Variants in PARD3 observed in about 807,000 individuals in gnomAD.
The protein encoded by PARD3 is partitioning defective 3 homolog.
A neutral mutation model predicts 155.4 loss-of-function variants in PARD3; 75 were observed. That is an observed-to-expected ratio of 0.48 (90% CI 0.40 to 0.58). The LOEUF is 0.58. Among genes scored for constraint, PARD3 ranks in the 20% least tolerant of loss-of-function variants. The probability of loss-of-function intolerance (pLI) is 0.00; values close to 1 mark genes in which losing one functional copy is unlikely to be tolerated. For missense variants in PARD3, 1,642 were observed against 1,721.7 expected (o/e 0.95, Z 0.82); for synonymous variants, 576 against 610.5 (o/e 0.94, Z 0.83).
At chr10:34,454,918 C>A (rs1400533339) in intron 4 of PARD3, among the ~76,000 whole-genome samples, 4 of 152,130 alleles carry the variant, frequency 2.6e-5, no homozygotes, top group Non-Finnish European at 5.9e-5. Flanking sequence ...AAGTAAGTGT[C>A]TTCTCCCACC....
chr10:34,373,190 G>C (rs1170860617), intron 11 of PARD3, among the ~76,000 whole-genome samples: 2 of 151,862 alleles, frequency 1.3e-5, no homozygotes, highest in Non-Finnish European at 1.5e-5. Context: ...TAAATTTTCA[G>C]GATTTTATTC....
intron 1 of PARD3, among the ~76,000 whole-genome samples, chr10:34,749,640 G>C (rs2133939237): frequency 6.6e-6 from 1 of 152,252 alleles, no homozygotes; most frequent in African/African-American, 2.4e-5. Flanking sequence ...GAAGATAAGT[G>C]AAAGAGCATT....
rs144541943 is a variant in PARD3, at chr10:34,649,114, C to T, written c.222+47204G>A. Among the ~76,000 whole-genome samples the T allele has an allele frequency of 1.5e-4, 23 of 152,258 alleles. No homozygotes were observed. In the East Asian group the frequency reaches 4.1e-3, roughly 27 times the overall value. On this transcript the variant is annotated intron_variant, in intron 2 of 24. Transcript: ENST00000374788. ...AAAGGCCAGGCATGACATGAGCATACAGAGACATGCATCGCTTAACAGGGG... is the reference window on the plus strand; with the variant it reads ...AAAGGCCAGGCATGACATGAGCATATAGAGACATGCATCGCTTAACAGGGG...
At chr10:34,141,493 G>T (rs1380998462) in intron 22 of PARD3, among the ~76,000 whole-genome samples, 1 of 152,162 alleles carries the variant, frequency 6.6e-6, no homozygotes, top group Non-Finnish European at 1.5e-5. Context: ...TGCTTCTGAT[G>T]TGATAGCTCC....
chr10:34,207,881 G>T (rs1021962738), intron 22 of PARD3, among the ~76,000 whole-genome samples: 1 of 152,174 alleles, frequency 6.6e-6, no homozygotes, highest in Non-Finnish European at 1.5e-5. Context: ...TAAGAAGAAT[G>T]CCTCCGGTCC....
chr10:34,304,496 C>G (rs1957305522), intron 20 of PARD3, among the ~76,000 whole-genome samples: 1 of 152,162 alleles, frequency 6.6e-6, no homozygotes, highest in Non-Finnish European at 1.5e-5. Flanking sequence ...CCATAGCACT[C>G]ACAATAGCAA....
chr10:34,501,947 A>C (rs1162330770), intron 3 of PARD3, among the ~76,000 whole-genome samples: 7 of 152,124 alleles, frequency 4.6e-5, no homozygotes, highest in Admixed American at 1.3e-4. Flanking sequence ...TGTCCTCATG[A>C]CTTGGATTAG....
intron 2 of PARD3, among the ~76,000 whole-genome samples, chr10:34,536,037 A>T (rs2083203708): frequency 6.6e-6 from 1 of 152,168 alleles, no homozygotes; most frequent in Non-Finnish European, 1.5e-5. Context: ...GTCAATCAAG[A>T]GCTGATAAAA....
chr10:34,709,650 C>T (rs913074718), intron 1 of PARD3, among the ~76,000 whole-genome samples: 10 of 151,860 alleles, frequency 6.6e-5, no homozygotes, highest in Non-Finnish European at 1.5e-4. Flanking sequence ...CCCAGGGTGG[C>T]GGAAGTGGGA....
At chr10:34,775,772 T>C (rs1284141848) in intron 1 of PARD3, among the ~76,000 whole-genome samples, 3 of 152,142 alleles carry the variant, frequency 2.0e-5, no homozygotes, top group African/African-American at 7.2e-5. Flanking sequence ...CCACACAAAT[T>C]TGTACAGAAT....
chr10:34,242,633 A>C (rs1424442655), intron 22 of PARD3, among the ~76,000 whole-genome samples: 1 of 152,228 alleles, frequency 6.6e-6, no homozygotes, highest in African/African-American at 2.4e-5. Context: ...CTCCATGAGA[A>C]ATGACCACTG....
At chr10:34,630,725 T>G (rs866622617) in intron 2 of PARD3, among the ~76,000 whole-genome samples, 28 of 152,166 alleles carry the variant, frequency 1.8e-4, no homozygotes, top group African/African-American at 6.8e-4. Flanking sequence ...ATTACAGGCA[T>G]GAGCCACTGC....
intron 10 of PARD3, among the ~76,000 whole-genome samples, chr10:34,376,780 CATAT>C (rs1410392650): frequency 6.8e-6 from 1 of 147,018 alleles, no homozygotes; most frequent in African/African-American, 2.7e-5. Flanking sequence ...AGATAGAAAC[CATAT>C]ATGAAACTAT....
chr10:34,260,481 G>T (rs1368839562), intron 22 of PARD3, among the ~76,000 whole-genome samples: 1 of 152,176 alleles, frequency 6.6e-6, no homozygotes, highest in Non-Finnish European at 1.5e-5. Flanking sequence ...AGAGGCAAGT[G>T]GCCCAGGCAC....
At chr10:34,386,003 A>C (rs1318188332) in intron 7 of PARD3, among the ~76,000 whole-genome samples, 1 of 152,242 alleles carries the variant, frequency 6.6e-6, no homozygotes, top group Non-Finnish European at 1.5e-5. Flanking sequence ...TTTCTACTAA[A>C]GATATGATGA....
intron 2 of PARD3, among the ~76,000 whole-genome samples, chr10:34,567,634 A>C (rs1350489293): frequency 6.6e-6 from 1 of 152,272 alleles, no homozygotes; most frequent in African/African-American, 2.4e-5. Context: ...ACACAAGGAC[A>C]GAGAGATACA....
intron 22 of PARD3, among the ~76,000 whole-genome samples, chr10:34,197,075 T>A (rs777076664): frequency 8.5e-5 from 13 of 152,168 alleles, no homozygotes; most frequent in Admixed American, 5.2e-4. Flanking sequence ...ACACGAGCAA[T>A]GTTCAGCTCA....
chr10:34,401,952 G>A (rs746931457), intron 5 of PARD3, 35 bp from the exon 6 acceptor site: 1 of 1,493,478 alleles, frequency 6.7e-7, no homozygotes, highest in Non-Finnish European at 9.3e-7. Flanking sequence ...AGTACACTCT[G>A]TGTTAGGTTT....
At chr10:34,511,520 G>GCTT (rs2081398292) in intron 3 of PARD3, among the ~76,000 whole-genome samples, 1 of 152,086 alleles carries the variant, frequency 6.6e-6, no homozygotes, top group Non-Finnish European at 1.5e-5. Context: ...AAGGTGGAAG[G>GCTT]GAAAGAGAAT....
Sources: allele counts gnomAD v4.1 joint callset (sites outside exome capture counted in the v4.1 genomes callset), GRCh38; gene constraint gnomAD v4.1.1; transcripts MANE v1.5; gene names NCBI Gene and HGNC (gene_info 2026-07-23, HGNC 2026-07-21).